The following DDX46 variants were observed in gnomAD, a reference collection of about 807,000 sequenced individuals.
The protein encoded by DDX46 is probable ATP-dependent RNA helicase DDX46.
DDX46 carries 30 observed loss-of-function variants against 134.9 expected under a neutral mutation model. That is an observed-to-expected ratio of 0.22 (90% confidence interval 0.17 to 0.30). The LOEUF (loss-of-function observed/expected upper bound fraction) is 0.30. Ranked by LOEUF, DDX46 falls within the 10% of genes least tolerant of loss-of-function variation. The pLI is 1.00. For missense variants in DDX46, 622 were observed against 1,248.7 expected, an observed-to-expected ratio of 0.50 and a Z score of 7.56; for synonymous variants, 415 against 404.1, an observed-to-expected ratio of 1.03 and a Z score of -0.32.
intron 22 of DDX46, among the ~76,000 whole-genome samples, chr5:134,827,377 T>C (rs39585): frequency 0.067 from 10,233 of 152,000 alleles, 746 homozygotes; most frequent in African/African-American, 0.19. Context: ...TGCGTTCAAG[T>C]GATTCTCCTG....
At chr5:134,819,261 G>C (rs1200183084) in intron 21 of DDX46, among the ~76,000 whole-genome samples, 1 of 152,166 alleles carries the variant, frequency 6.6e-6, no homozygotes, top group East Asian at 1.9e-4. Context: ...TACATTTTAA[G>C]GACTGACCTG....
intron 21 of DDX46, among the ~76,000 whole-genome samples, chr5:134,820,218 C>T (rs903268541): frequency 3.3e-5 from 5 of 152,174 alleles, no homozygotes; most frequent in African/African-American, 1.2e-4. Flanking sequence ...CCGCGCCCAG[C>T]CCACTTTATT....
chr5:134,822,891 T>G (rs1177425107), intron 21 of DDX46, among the ~76,000 whole-genome samples: 1 of 152,136 alleles, frequency 6.6e-6, no homozygotes, highest in East Asian at 1.9e-4. Flanking sequence ...CCTGTACATC[T>G]TCATACATTC....
intron 13 of DDX46, among the ~76,000 whole-genome samples, chr5:134,791,166 A>G (rs1450049905): frequency 6.6e-6 from 1 of 152,180 alleles, no homozygotes; most frequent in African/African-American, 2.4e-5. Context: ...TAGATACCTC[A>G]TTATCTAGTC....
Position 134,788,088 on chromosome 5 carries a change from G to A in DDX46, c.1465-425G>A, listed in dbSNP as rs371551804. The stretch of plus-strand genomic sequence containing the variant: ...AGTGATTTCATGATTCACTAATGTG[G>A]CAACCCTCAATTTGAAAAACACTAG... On this transcript the variant is annotated intron_variant, in intron 11 of 22. Coordinates refer to ENST00000452510, the MANE Select transcript of DDX46 (RefSeq NM_001300860.2). Among the ~76,000 whole-genome samples the A allele has an allele frequency of 3.3e-5, 5 of 151,870 alleles. No individual in the cohort carries two copies. In the South Asian group the frequency reaches 8.3e-4, roughly 25 times the overall value.
At chr5:134,814,413 A>G (rs1755231324) in intron 18 of DDX46, among the ~76,000 whole-genome samples, 1 of 152,186 alleles carries the variant, frequency 6.6e-6, no homozygotes, top group Admixed American at 6.6e-5. Context: ...GAAAAATGTA[A>G]ACAGTACTTA....
In DDX46 at chr5:134,795,993, G is replaced by A; in HGVS notation, c.1797G>A (p.Val599=). 1 of 1,612,808 alleles carries A rather than the reference G, an allele frequency of 6.2e-7. No individual in the cohort carries two copies. Among genetic ancestry groups the A allele is most frequent in the Non-Finnish European group, 8.5e-7 (1 of 1,179,662 alleles). ...VCSDVEQQVI[V]IEEEKKFLKL... is the part of the protein sequence containing the mutation. ...ATACAATATGGTGTTTTCAGATTGT[G>A]ATTGAAGAAGAAAAGAAATTCTTGA... is the stretch of plus-strand genomic sequence containing the variant. Residue 599 remains valine, a synonymous_variant, in exon 15 of 23, where the codon GTG becomes GTA. Transcript: ENST00000452510.
At chr5:134,762,113 G>T (rs1200939394) in intron 1 of DDX46, among the ~76,000 whole-genome samples, 2 of 151,854 alleles carry the variant, frequency 1.3e-5, no homozygotes, top group Non-Finnish European at 2.9e-5. Context: ...AAAATAAAAA[G>T]AAATAAATAG....
intron 21 of DDX46, among the ~76,000 whole-genome samples, chr5:134,820,726 C>T (rs1202355363): frequency 1.3e-5 from 2 of 152,160 alleles, no homozygotes; most frequent in African/African-American, 2.4e-5. Context: ...CAGTTCAGTC[C>T]TCAGTACCTT....
Position 134,783,467 on chromosome 5 carries a change from C to T in DDX46, c.1166+402C>T, listed in dbSNP as rs1754223250. Among the ~76,000 whole-genome samples, 5 of 146,676 alleles carry T rather than the reference C, an allele frequency of 3.4e-5. No homozygotes were observed. The South Asian group carries it at 6.6e-4, about 19-fold the overall frequency. On this transcript the variant is annotated intron_variant, in intron 9 of 22. Transcript: ENST00000452510. The stretch of plus-strand genomic sequence containing the variant: ...GGTTTCACCATGTTGGTCAGGCTGG[C>T]GTTGAACTCCTGACCTCAGGTGATC...
intron 18 of DDX46, among the ~76,000 whole-genome samples, chr5:134,812,169 A>G (rs1303114293): frequency 6.6e-6 from 1 of 150,686 alleles, no homozygotes; most frequent in Non-Finnish European, 1.5e-5. Context: ...GGTTCAAGCA[A>G]TTCTCCTGCC....
At chr5:134,793,138 C>T (rs929609655) in intron 13 of DDX46, among the ~76,000 whole-genome samples, 1 of 152,056 alleles carries the variant, frequency 6.6e-6, no homozygotes, top group Non-Finnish European at 1.5e-5. Flanking sequence ...GCCTGGGCGA[C>T]AGAGTGAGAC....
At chr5:134,795,051 A>T (rs1267787254) in intron 14 of DDX46, 37 bp downstream of exon 14, 1 of 1,608,788 alleles carries the variant, frequency 6.2e-7, no homozygotes, top group South Asian at 1.1e-5. Flanking sequence ...AGTTTCCTTG[A>T]TACTTAGGTG....
rs2150125599 is a variant in DDX46 at position 134,758,930 on chromosome 5, G to T, written c.-9G>T. 6.2e-7 allele frequency: 1 copy of T among 1,613,370 alleles called. No homozygotes were observed. Among genetic ancestry groups the T allele is most frequent in the East Asian group, 2.2e-5 (1 of 44,872 alleles). ...ACTCAAGGGCACCAGTATTCCCGCG[G>T]TCGGCAGCATGGGTCGGGAGTCACG... On this transcript the variant is annotated 5_prime_UTR_variant, in exon 1 of 23. Coordinates refer to ENST00000452510, the MANE Select transcript of DDX46 (RefSeq NM_001300860.2).
Position 134,827,026 on chromosome 5 carries a change from T to G in DDX46, c.3051+6T>G. 1.2e-6 allele frequency: 2 copies of G among 1,609,804 alleles called. No individual in the cohort carries two copies. Among genetic ancestry groups the G allele is most frequent in the East Asian group, 2.2e-5 (1 of 44,838 alleles). ...AAGAAGAGCTGATCCGGCTGGTGAG[T>G]GAAAACCTTAAAGTTTCGTTTGTTT... On this transcript the variant is annotated splice_donor_region_variant and intron_variant, in intron 22 of 22. Coordinates refer to ENST00000452510, the MANE Select transcript of DDX46 (RefSeq NM_001300860.2).
In DDX46 at chr5:134,807,612, AT is replaced by A. The variant is rs955657487; in HGVS notation, c.1955-132del. ...CAATAACCTTTAATCTTGCCATTAC[AT>A]TTTCTTAGTCTTTTATTTTCTATAT... On this transcript the variant is annotated intron_variant, in intron 15 of 22. Coordinates refer to ENST00000452510, the MANE Select transcript of DDX46 (RefSeq NM_001300860.2). 1.2e-5 allele frequency: 9 copies of A among 753,376 alleles called. No individual in the cohort carries two copies. In the African/African-American group the frequency reaches 1.6e-4, roughly 13 times the overall value. 46.7% of individuals were successfully genotyped at this position (753,376 alleles called of 1,614,324 possible).
intron 3 of DDX46, among the ~76,000 whole-genome samples, chr5:134,769,367 TGTC>T (rs1201165025): frequency 6.9e-6 from 1 of 144,238 alleles, no homozygotes; most frequent in East Asian, 2.1e-4. Flanking sequence ...AATCTTGCTC[TGTC>T]GTCAGGCTGG....
chr5:134,796,623 C>A (rs371421008), intron 15 of DDX46, among the ~76,000 whole-genome samples: 1 of 152,112 alleles, frequency 6.6e-6, no homozygotes, highest in Admixed American at 6.6e-5. Flanking sequence ...GAGGCTGAGG[C>A]GGGCAGATCA....
intron 1 of DDX46, among the ~76,000 whole-genome samples, chr5:134,760,950 C>T (rs776162692): frequency 5.9e-5 from 9 of 152,018 alleles, no homozygotes; most frequent in African/African-American, 2.2e-4. Flanking sequence ...AGGGTGGTCT[C>T]GATCTCCTGA....
Sources: gnomAD v4.1 joint callset for allele counts (sites outside exome capture counted in the v4.1 genomes callset) on GRCh38, gnomAD v4.1.1 for gene constraint, MANE v1.5 for transcripts, NCBI Gene and HGNC (gene_info 2026-07-23, HGNC 2026-07-21) for gene names.